Variants in MAK observed in about 807,000 individuals in gnomAD.
MAK encodes male germ cell associated kinase.
In MAK, 65 loss-of-function variants were observed where a neutral mutation model predicts 82.6. The observed-to-expected ratio is 0.79, with a 90% CI of 0.64 to 0.97. The LOEUF (loss-of-function observed/expected upper bound fraction) is 0.97. MAK is among the 50% of genes least tolerant of loss of function. The pLI is 0.00. For synonymous variants in MAK, 250 were observed against 274.2 expected, an observed-to-expected ratio of 0.91 and a Z score of 0.87; for missense variants, 703 against 780.2, an observed-to-expected ratio of 0.90 and a Z score of 1.18.
chr6:10,802,448 GGT>G, intron 7 of MAK: 3 of 186,016 alleles, frequency 1.6e-5, no homozygotes, highest in South Asian at 2.1e-4. Context: ...TGGGACTACA[GGT>G]GCGCACCATC....
intron 14 of MAK, among the ~76,000 whole-genome samples, chr6:10,769,340 G>A (rs543867913): frequency 1.3e-5 from 2 of 152,102 alleles, no homozygotes; most frequent in South Asian, 2.1e-4. Context: ...CAAATGATTC[G>A]AAGACCATTC....
At chr6:10,794,643 T>C (rs535976874) in intron 9 of MAK, among the ~76,000 whole-genome samples, 34 of 152,212 alleles carry the variant, frequency 2.2e-4, no homozygotes, top group Non-Finnish European at 4.4e-4. Flanking sequence ...ACTGAAGAGC[T>C]CCTGGAGCTG....
Position 10,808,099 on chromosome 6 carries a change from C to T in MAK, c.491+711G>A, listed in dbSNP as rs182492115. ...AAAAGAAAGACATGCTATCAGCACC[C>T]AGAAGGCCCCTTGTGCACTAGTCCA... On this transcript the variant is annotated intron_variant, in intron 6 of 14. Transcript: ENST00000354489. 8.1e-4 allele frequency among the ~76,000 whole-genome samples: 123 copies of T among 152,236 alleles called. 1 individual carries two copies. Among genetic ancestry groups the T allele is most frequent in the Middle Eastern group, 3.4e-3 (1 of 294 alleles).
At chr6:10,815,640 A>G (rs1009924383) in intron 4 of MAK, among the ~76,000 whole-genome samples, 4 of 152,034 alleles carry the variant, frequency 2.6e-5, no homozygotes, top group Non-Finnish European at 4.4e-5. Flanking sequence ...CTGAAAAAAA[A>G]GAGAGACACA....
intron 5 of MAK, among the ~76,000 whole-genome samples, chr6:10,809,186 C>T (rs1776730769): frequency 1.3e-5 from 2 of 152,134 alleles, no homozygotes; most frequent in African/African-American, 4.8e-5. Context: ...ACCCATTTAA[C>T]ATTTATTTTT....
chr6:10,826,651 T>G (rs1182662162), intron 2 of MAK: 1 of 152,208 alleles, frequency 6.6e-6, no homozygotes, highest in Non-Finnish European at 1.5e-5. Flanking sequence ...CTCTACCTCT[T>G]CATTCACAGA....
At chr6:10,804,224 T>C (rs921491939) in intron 6 of MAK, among the ~76,000 whole-genome samples, 2 of 152,204 alleles carry the variant, frequency 1.3e-5, no homozygotes, top group Non-Finnish European at 2.9e-5. Flanking sequence ...AGCATTATAT[T>C]CAGCATCTAT....
chr6:10,813,743 C>A lies in MAK; in HGVS notation c.279-20G>T. 2.8e-6 allele frequency: 4 copies of A among 1,407,190 alleles called. No individual in the cohort carries two copies. The South Asian group carries it at 4.6e-5, about 16-fold the overall frequency. The allele number at this position is 1,407,190 out of a possible 1,614,324, so 87.2% of individuals were successfully genotyped here. A position where few individuals can be genotyped will look rare whatever the true frequency, so the allele number is the denominator to read the frequency against. ...TTGTTTCTGTAAAGAAATGAACAGT[C>A]ACATAATTCTGTTAAGCAACCAGCC... is the stretch of plus-strand genomic sequence containing the variant. On this transcript the variant is annotated intron_variant, in intron 4 of 14. Coordinates refer to ENST00000354489, the MANE Select transcript of MAK (RefSeq NM_001242957.3).
intron 10 of MAK, among the ~76,000 whole-genome samples, chr6:10,785,669 A>C (rs1330330420): frequency 6.6e-6 from 1 of 152,250 alleles, no homozygotes. Flanking sequence ...CTGAAATTCT[A>C]CCCATTCCCA....
chr6:10,765,537 G>C (rs1194867270), intron 14 of MAK, among the ~76,000 whole-genome samples: 1 of 147,898 alleles, frequency 6.8e-6, no homozygotes, highest in Non-Finnish European at 1.5e-5. Context: ...TCGGCTCACT[G>C]CAACCTCCAC....
intron 5 of MAK, among the ~76,000 whole-genome samples, chr6:10,810,164 C>A (rs1272810137): frequency 6.7e-6 from 1 of 150,286 alleles, no homozygotes; most frequent in African/African-American, 2.4e-5. Context: ...AACATTAAAG[C>A]CCTCCTGGCA....
At position 10,778,431 on chromosome 6, in the gene MAK, G is replaced by A. The variant is rs1179517361; in HGVS notation, c.1466-2972C>T. On this transcript the variant is annotated intron_variant, in intron 11 of 14. Coordinates refer to ENST00000354489, the MANE Select transcript of MAK (RefSeq NM_001242957.3). ...TGATTAACCCTCATTTATGCCTGAG[G>A]TTGCAATTTTTTGAAATTTTGCAAT... Among the ~76,000 whole-genome samples the A allele has an allele frequency of 5.3e-5, 8 of 152,144 alleles. No individual in the cohort carries two copies. In the South Asian group the frequency reaches 1.2e-3, roughly 24 times the overall value.
intron 5 of MAK, among the ~76,000 whole-genome samples, chr6:10,809,995 G>A (rs1776789047): frequency 6.6e-6 from 1 of 151,686 alleles, no homozygotes; most frequent in African/African-American, 2.4e-5. Flanking sequence ...CTACTCAGGA[G>A]GCTGAGGCAG....
chr6:10,817,767 T>C, intron 4 of MAK, 83 bp downstream of exon 4: 1 of 1,141,648 alleles, frequency 8.8e-7, no homozygotes, highest in Non-Finnish European at 1.2e-6. Context: ...CAATCAATCT[T>C]TCTCTCATAA....
rs1427572617 is a variant in MAK, at chr6:10,793,825, G to A, written c.1144-1978C>T. ...GTCAACAATTGATGCATCTTCCAAG[G>A]GGTCATGGGGAGGACTGTCATCGTT... On this transcript the variant is annotated intron_variant, in intron 9 of 14. Transcript: ENST00000354489. This position sits in a 1 kb window ranked among gnomAD's most constrained non-coding sequence, Gnocchi z 4.6. Among the ~76,000 whole-genome samples the A allele has an allele frequency of 6.6e-6, 1 of 152,124 alleles. No individual in the cohort carries two copies. The highest frequency in any genetic ancestry group is 2.4e-5 in the African/African-American group (1 of 41,410).
At chr6:10,797,135 T>C (rs960394987) in intron 8 of MAK, among the ~76,000 whole-genome samples, 1 of 151,904 alleles carries the variant, frequency 6.6e-6, no homozygotes. Context: ...AAAAAAAAAA[T>C]CTAAAGAGGG....
In MAK at chr6:10,775,363, A is replaced by G. The variant is rs192591726; in HGVS notation, c.1562T>C (p.Val521Ala). Residue 521 changes from valine to alanine, a missense_variant, in exon 12 of 15, where the codon GTT (valine) becomes GCT (alanine). Transcript: ENST00000354489. Reference sequence around the variant, plus strand: ...CCTTTTGAAAGCAAGTTCTGCCCCAACGGGTCCCAGTGACTTGGGGAATAA... The same window carrying G: ...CCTTTTGAAAGCAAGTTCTGCCCCAGCGGGTCCCAGTGACTTGGGGAATAA... ...NQLFPKSLGP[V>A]GAELAFKRSN... 874 of 1,613,920 alleles carry G rather than the reference A, an allele frequency of 5.4e-4. 1 individual carries two copies. Among genetic ancestry groups the G allele is most frequent in the Non-Finnish European group, 7.0e-4 (830 of 1,179,854 alleles).
Position 10,803,680 on chromosome 6 carries a change from T to G in MAK, c.663+40A>C, listed in dbSNP as rs201603215. 6.5e-5 allele frequency: 101 copies of G among 1,550,284 alleles called. 1 individual carries two copies. In the East Asian group the frequency reaches 8.5e-4, roughly 13 times the overall value. ...TAAAAGCAAAGTAGCAAGATAGAAA[T>G]AATCAAAAGTTATAGCAACTTAGGG... On this transcript the variant is annotated intron_variant, in intron 7 of 14. Coordinates refer to ENST00000354489, the MANE Select transcript of MAK (RefSeq NM_001242957.3).
chr6:10,767,519 G>T (rs1772559004), intron 14 of MAK, among the ~76,000 whole-genome samples: 1 of 152,094 alleles, frequency 6.6e-6, no homozygotes, highest in Admixed American at 6.6e-5. Flanking sequence ...AACTTAAAGG[G>T]TAGAGGCCAG....
Sources: gnomAD v4.1 joint callset for allele counts (sites outside exome capture counted in the v4.1 genomes callset) on GRCh38, gnomAD v4.1.1 for gene constraint, Gnocchi (gnomAD v3.1) non-coding constraint, MANE v1.5 for transcripts, NCBI Gene and HGNC (gene_info 2026-07-23, HGNC 2026-07-21) for gene names.